EFCAB13: variants seen among roughly 807,000 people sequenced by gnomAD.
The protein encoded by EFCAB13 is EF-hand calcium binding domain 13.
EFCAB13 carries 91 observed loss-of-function variants against 110.2 expected under a neutral mutation model. The observed-to-expected ratio is 0.83, with a 90% CI of 0.70 to 0.98. The LOEUF is 0.98. EFCAB13 is among the 50% of genes least tolerant of loss of function. EFCAB13 has a pLI of 0.00. For missense variants in EFCAB13, 968 were observed against 1,119.4 expected (o/e 0.86, Z 1.93); for synonymous variants, 323 against 369.9 (o/e 0.87, Z 1.45).
chr17:47,357,780 C>G (rs1224630224), intron 9 of EFCAB13, among the ~76,000 whole-genome samples: 1 of 152,130 alleles, frequency 6.6e-6, no homozygotes, highest in Non-Finnish European at 1.5e-5. Flanking sequence ...ACATATAAAT[C>G]TATAGTCAGA....
chr17:47,404,504 C>T, intron 19 of EFCAB13, 58 bp from the exon 20 acceptor site: 1 of 1,302,308 alleles, frequency 7.7e-7, no homozygotes, highest in Non-Finnish European at 1.1e-6. Context: ...TGATACTAGC[C>T]TTTAAGTATT....
chr17:47,370,743 T>G (rs34271708), intron 11 of EFCAB13, among the ~76,000 whole-genome samples: 64,760 of 138,036 alleles, frequency 0.47, 14,007 homozygotes, highest in Middle Eastern at 0.5. Flanking sequence ...TGTTTGTTTT[T>G]TTTTTTTTTT....
intron 14 of EFCAB13, among the ~76,000 whole-genome samples, chr17:47,380,215 T>C (rs553269720): frequency 1.4e-4 from 21 of 152,292 alleles, no homozygotes; most frequent in African/African-American, 5.1e-4. Context: ...TTTCTCCTAA[T>C]GCTATCCCCC....
chr17:47,340,020 A>T (rs1031586690), intron 5 of EFCAB13: 1 of 152,186 alleles, frequency 6.6e-6, no homozygotes, highest in Non-Finnish European at 1.5e-5. Flanking sequence ...ACCTTTTCCT[A>T]TAAAAGATGA....
chr17:47,379,819 T>G (rs1450516314), intron 14 of EFCAB13, among the ~76,000 whole-genome samples: 1 of 152,170 alleles, frequency 6.6e-6, no homozygotes, highest in Non-Finnish European at 1.5e-5. Flanking sequence ...AGGCTTGCTG[T>G]TTTTATTTTG....
chr17:47,401,278 T>C (rs2065777524), intron 17 of EFCAB13, among the ~76,000 whole-genome samples: 1 of 152,234 alleles, frequency 6.6e-6, no homozygotes, highest in Non-Finnish European at 1.5e-5. Flanking sequence ...TGTGCTTTGT[T>C]CTAGTCTATG....
chr17:47,393,095 G>A lies in EFCAB13; in HGVS notation c.1727-930G>A, dbSNP rs570037368. 3.7e-4 allele frequency among the ~76,000 whole-genome samples: 55 copies of A among 150,030 alleles called. 1 individual carries two copies. Among genetic ancestry groups the A allele is most frequent in the African/African-American group, 1.3e-3 (52 of 41,120 alleles). On this transcript the variant is annotated intron_variant, in intron 15 of 24. Coordinates refer to ENST00000331493, the MANE Select transcript of EFCAB13 (RefSeq NM_152347.5). ...AAGTGCAAAGTTTAGGTCATAATGA[G>A]ATACTTAAAAAAAAAAGAGGGATCT...
rs977905052 is a variant in EFCAB13 at position 47,421,263 on chromosome 17, G to A, written c.2494+6344G>A. On this transcript the variant is annotated intron_variant, in intron 23 of 24. Coordinates refer to ENST00000331493, the MANE Select transcript of EFCAB13 (RefSeq NM_152347.5). ...TGGTTGCCGTGTCTGTGTAGAAAGA[G>A]GTAGACATGGGAGACTTTTCATTTT... Among the ~76,000 whole-genome samples the A allele has an allele frequency of 4.6e-5, 7 of 152,090 alleles. No homozygotes were observed. In the East Asian group the frequency reaches 1.4e-3, roughly 29 times the overall value.
At chr17:47,336,485 G>T (rs1394926761) in intron 5 of EFCAB13, among the ~76,000 whole-genome samples, 2 of 151,828 alleles carry the variant, frequency 1.3e-5, no homozygotes, top group Non-Finnish European at 2.9e-5. Flanking sequence ...TAGAGATGGG[G>T]TTTCACCATG....
chr17:47,343,318 T>A (rs1598723677), intron 6 of EFCAB13, among the ~76,000 whole-genome samples: 1 of 152,100 alleles, frequency 6.6e-6, no homozygotes, highest in Non-Finnish European at 1.5e-5. Context: ...GCCCATATAT[T>A]TAGTGTAGAT....
chr17:47,403,927 A>G lies in EFCAB13; in HGVS notation c.2067A>G (p.Ile689Met). 1 of 1,612,052 alleles carries G rather than the reference A, an allele frequency of 6.2e-7. No individual in the cohort carries two copies. Among genetic ancestry groups the G allele is most frequent in the African/African-American group, 1.3e-5 (1 of 74,926 alleles). Residue 689 changes from isoleucine to methionine, a missense_variant, in exon 19 of 25, where the codon ATA (isoleucine) becomes ATG (methionine). Physicochemically the swap from Ile to Met is conservative, Grantham distance 10 (BLOSUM62 1). Coordinates refer to ENST00000331493, the MANE Select transcript of EFCAB13 (RefSeq NM_152347.5). ...LAADLLEGDM[I>M]AGKNLEDFLR... Reference sequence around the variant, plus strand: ...CTGATTTGCTGGAAGGTGACATGATAGCTGGGAAGAACTTGGAAGACTTTC... The same window carrying G: ...CTGATTTGCTGGAAGGTGACATGATGGCTGGGAAGAACTTGGAAGACTTTC...
intron 18 of EFCAB13, among the ~76,000 whole-genome samples, chr17:47,402,884 G>A (rs1008215277): frequency 1.3e-5 from 2 of 152,204 alleles, no homozygotes; most frequent in African/African-American, 2.4e-5. Context: ...AACTAAAATG[G>A]CCTGATAGCA....
intron 9 of EFCAB13, among the ~76,000 whole-genome samples, chr17:47,357,571 C>T (rs1162244138): frequency 3.3e-5 from 5 of 152,148 alleles, no homozygotes; most frequent in South Asian, 2.1e-4. Flanking sequence ...CACACCACCA[C>T]GCCCAGCTAA....
At chr17:47,404,716 G>GTGAACT in intron 20 of EFCAB13, 83 bp downstream of exon 20, 1 of 1,047,124 alleles carries the variant, frequency 9.5e-7, no homozygotes, top group African/African-American at 1.6e-5. Flanking sequence ...TAAATTTGGT[G>GTGAACT]TTTAAATCTT....
intron 10 of EFCAB13, among the ~76,000 whole-genome samples, chr17:47,364,053 C>T (rs548464874): frequency 1.1e-4 from 16 of 152,246 alleles, no homozygotes; most frequent in African/African-American, 2.9e-4. Context: ...GCCTGGGTCT[C>T]CAGGTCTCCT....
chr17:47,401,111 C>T (rs991133208), intron 17 of EFCAB13, among the ~76,000 whole-genome samples: 1 of 149,918 alleles, frequency 6.7e-6, no homozygotes, highest in Non-Finnish European at 1.5e-5. Context: ...AGCAAAAATA[C>T]TGCAAAAAGA....
intron 10 of EFCAB13, among the ~76,000 whole-genome samples, chr17:47,364,674 T>A (rs1598734740): frequency 1.3e-5 from 2 of 152,324 alleles, no homozygotes; most frequent in East Asian, 3.9e-4. Flanking sequence ...TCCTAACAAG[T>A]ATACCCCTGT....
At chr17:47,412,462 C>G (rs1481205370) in intron 21 of EFCAB13, among the ~76,000 whole-genome samples, 1 of 152,124 alleles carries the variant, frequency 6.6e-6, no homozygotes, top group Non-Finnish European at 1.5e-5. Flanking sequence ...TGGTAGAAAT[C>G]TTTAGATCTA....
intron 14 of EFCAB13, among the ~76,000 whole-genome samples, chr17:47,381,223 G>A (rs2065645983): frequency 6.6e-6 from 1 of 151,814 alleles, no homozygotes; most frequent in Non-Finnish European, 1.5e-5. Context: ...TTGTAAATTT[G>A]TTTAAGTGCT....
Sources: gnomAD v4.1 joint callset for allele counts (sites outside exome capture counted in the v4.1 genomes callset) on GRCh38, gnomAD v4.1.1 for gene constraint, MANE v1.5 for transcripts, NCBI Gene and HGNC (gene_info 2026-07-23, HGNC 2026-07-21) for gene names.